The following PCDHGB2 variants were observed in gnomAD, a reference collection of about 807,000 sequenced individuals.
PCDHGB2 encodes the protein protocadherin gamma subfamily B, 2, also known as protocadherin gamma-B2.
A neutral mutation model predicts 59.3 loss-of-function variants in PCDHGB2; 55 were observed. That is an observed-to-expected ratio of 0.93 (90% CI 0.75 to 1.16). PCDHGB2 has a LOEUF of 1.16. Ranked by LOEUF, PCDHGB2 falls within the 50% of genes most tolerant of loss-of-function variation. The probability of loss-of-function intolerance (pLI) is 0.00; values close to 1 mark genes in which losing one functional copy is unlikely to be tolerated. For synonymous variants in PCDHGB2, 516 were observed against 512.0 expected, an observed-to-expected ratio of 1.01 and a Z score of -0.11; for missense variants, 1,228 against 1,198.5, an observed-to-expected ratio of 1.02 and a Z score of -0.36.
chr5:141,418,498 C>T (rs181453589), intron 1 of PCDHGB2: 10 of 1,613,968 alleles, frequency 6.2e-6, no homozygotes, highest in East Asian at 2.2e-5. Context: ...TGGTACTGAC[C>T]GCCTTAGATG....
Position 141,431,354 on chromosome 5 carries a change from G to GCC in PCDHGB2, c.2422-63451_2422-63450dup. The GCC allele has an allele frequency of 6.2e-7, 1 of 1,614,036 alleles. No individual in the cohort carries two copies. Among genetic ancestry groups the GCC allele is most frequent in the African/African-American group, 1.3e-5 (1 of 75,052 alleles). On this transcript the variant is annotated intron_variant, in intron 1 of 3. Transcript: ENST00000522605. This position sits in a 1 kb window ranked among gnomAD's most constrained non-coding sequence, Gnocchi z 4.8. Reference sequence around the variant, plus strand: ...GTACCCCGAATTGGTGCTGAAACGCGCCCTGGACCGCGAAGAAAAGGCTGC... The same window carrying GCC: ...GTACCCCGAATTGGTGCTGAAACGCGCCCCCTGGACCGCGAAGAAAAGGCTGC...
chr5:141,392,305 GT>G (rs148037308), intron 1 of PCDHGB2: 5,240 of 152,054 alleles, frequency 0.034, 107 homozygotes, highest in Middle Eastern at 0.088. Flanking sequence ...AAAGTATCAT[GT>G]TTTTTTTAAG....
chr5:141,403,100 A>G (rs1295654527), intron 1 of PCDHGB2: 5 of 1,613,992 alleles, frequency 3.1e-6, no homozygotes, highest in Non-Finnish European at 4.2e-6. Flanking sequence ...CAACATCTCC[A>G]AGGACCTGGC....
At chr5:141,422,198 A>G (rs2096632774) in intron 1 of PCDHGB2, 1 of 1,562,340 alleles carries the variant, frequency 6.4e-7, no homozygotes, top group Non-Finnish European at 8.6e-7. Flanking sequence ...CAAGGCCAAG[A>G]TGGTGGAGGT....
chr5:141,374,977 T>C, intron 1 of PCDHGB2: 2 of 1,614,020 alleles, frequency 1.2e-6, no homozygotes, highest in Non-Finnish European at 1.7e-6. Flanking sequence ...ATGTTTTGAC[T>C]GGAGAAATTT....
chr5:141,410,009 T>G, intron 1 of PCDHGB2: 1 of 1,613,318 alleles, frequency 6.2e-7, no homozygotes, highest in Non-Finnish European at 8.5e-7. Context: ...ACACAACGCC[T>G]GGCTGTCCTA....
chr5:141,466,746 T>C (rs1035272591), intron 1 of PCDHGB2, among the ~76,000 whole-genome samples: 1 of 152,224 alleles, frequency 6.6e-6, no homozygotes, highest in African/African-American at 2.4e-5. Context: ...GTTACTCTGA[T>C]AGGGGCTCTT....
In PCDHGB2 at chr5:141,485,042, C is replaced by T; in HGVS notation, c.2422-9765C>T. ...CAGCAAAAACGGCGCGTAACCCTTGCGGCGCCGGCCGAACCGCGCCAGAGC... is the reference window on the plus strand; with the variant it reads ...CAGCAAAAACGGCGCGTAACCCTTGTGGCGCCGGCCGAACCGCGCCAGAGC... On this transcript the variant is annotated intron_variant, in intron 1 of 3. Coordinates refer to ENST00000522605, the MANE Select transcript of PCDHGB2 (RefSeq NM_018923.3). This position sits in a 1 kb window ranked among gnomAD's most constrained non-coding sequence, Gnocchi z 5.7. 1 of 724,054 alleles carries T rather than the reference C, an allele frequency of 1.4e-6. No individual in the cohort carries two copies. Among genetic ancestry groups the T allele is most frequent in the South Asian group, 1.8e-5 (1 of 56,650 alleles). 44.9% of individuals were successfully genotyped at this position (724,054 alleles called of 1,614,324 possible). A position where few individuals can be genotyped will look rare whatever the true frequency, so the allele number is the denominator to read the frequency against.
chr5:141,366,134 G>A, intron 1 of PCDHGB2: 1 of 1,614,204 alleles, frequency 6.2e-7, no homozygotes, highest in Non-Finnish European at 8.5e-7. Flanking sequence ...AGGCCAGAAC[G>A]CCTGGCTGTC....
In PCDHGB2 at chr5:141,485,429, A is replaced by T. The variant is rs1388904857; in HGVS notation, c.2422-9378A>T. On this transcript the variant is annotated intron_variant, in intron 1 of 3. Transcript: ENST00000522605. This position sits in a 1 kb window ranked among gnomAD's most constrained non-coding sequence, Gnocchi z 5.7. Reference sequence around the variant, plus strand: ...GGATTTGGACAGCGGAGCCCTGCTCATCAAGAACCCAATCGACCGAGAGGC... The same window carrying T: ...GGATTTGGACAGCGGAGCCCTGCTCTTCAAGAACCCAATCGACCGAGAGGC... The T allele has an allele frequency of 6.2e-7, 1 of 1,614,090 alleles. No homozygotes were observed. Among genetic ancestry groups the T allele is most frequent in the Non-Finnish European group, 8.5e-7 (1 of 1,180,052 alleles).
chr5:141,426,465 T>C, intron 1 of PCDHGB2: 1 of 315,366 alleles, frequency 3.2e-6, no homozygotes, highest in African/African-American at 2.2e-5. Context: ...ATGTTCAGGA[T>C]TTATTGACCT....
Position 141,493,022 on chromosome 5 carries a change from G to C in PCDHGB2, c.2422-1785G>C, listed in dbSNP as rs1184742888. On this transcript the variant is annotated intron_variant, in intron 1 of 3. Transcript: ENST00000522605. This position sits in a 1 kb window ranked among gnomAD's most constrained non-coding sequence, Gnocchi z 4.3. Reference sequence around the variant, plus strand: ...GCTATAGGCTCTGCCAGATGCCAGGGTGCCCTTATGTGTGAGGAAACTACA... The same window carrying C: ...GCTATAGGCTCTGCCAGATGCCAGGCTGCCCTTATGTGTGAGGAAACTACA... Among the ~76,000 whole-genome samples the C allele has an allele frequency of 6.6e-6, 1 of 152,222 alleles. No individual in the cohort carries two copies. Among genetic ancestry groups the C allele is most frequent in the Non-Finnish European group, 1.5e-5 (1 of 68,040 alleles).
Position 141,491,466 on chromosome 5 carries a change from T to G in PCDHGB2, c.2422-3341T>G. The G allele has an allele frequency of 6.2e-7, 1 of 1,614,068 alleles. No individual in the cohort carries two copies. Among genetic ancestry groups the G allele is most frequent in the Non-Finnish European group, 8.5e-7 (1 of 1,179,986 alleles). ...AGGACTCACCCTCCCCGGACTTCTA[T>G]AAGCAGTCCAGCCCCAACCTGCAGG... On this transcript the variant is annotated intron_variant, in intron 1 of 3. Coordinates refer to ENST00000522605, the MANE Select transcript of PCDHGB2 (RefSeq NM_018923.3). This position sits in a 1 kb window ranked among gnomAD's most constrained non-coding sequence, Gnocchi z 6.9.
chr5:141,383,658 G>A, intron 1 of PCDHGB2: 1 of 1,614,036 alleles, frequency 6.2e-7, no homozygotes, highest in Admixed American at 1.7e-5. Context: ...CTGTCCCCGA[G>A]AATGTGCCAG....
At chr5:141,418,685 G>A (rs750217981) in intron 1 of PCDHGB2, 1 of 1,614,056 alleles carries the variant, frequency 6.2e-7, no homozygotes, top group African/African-American at 1.3e-5. Context: ...CATCAACTCA[G>A]AGATCACTTA....
intron 2 of PCDHGB2, among the ~76,000 whole-genome samples, chr5:141,501,506 G>A (rs770097282): frequency 1.3e-5 from 2 of 151,864 alleles, no homozygotes; most frequent in Non-Finnish European, 2.9e-5. Context: ...GGGGCTCCAA[G>A]GCCTCCAAGC....
Position 141,487,059 on chromosome 5 carries a change from G to A in PCDHGB2, c.2422-7748G>A, listed in dbSNP as rs760836605. 1.7e-5 allele frequency: 27 copies of A among 1,613,952 alleles called. No homozygotes were observed. Among genetic ancestry groups the A allele is most frequent in the Non-Finnish European group, 2.0e-5 (24 of 1,179,994 alleles). On this transcript the variant is annotated intron_variant, in intron 1 of 3. Transcript: ENST00000522605. This position sits in a 1 kb window ranked among gnomAD's most constrained non-coding sequence, Gnocchi z 5.0. ...GTCTCTCGATATGCTGGGGAGGTGC[G>A]GACGGCTGTTCCTATCCCAGCTGAC...
intron 1 of PCDHGB2, chr5:141,391,690 A>AC (rs1231042361): frequency 6.6e-6 from 1 of 152,236 alleles, no homozygotes; most frequent in African/African-American, 2.4e-5. Flanking sequence ...TTCATCTGCT[A>AC]CGTTGCCCAG....
chr5:141,383,377 C>G (rs527434740), intron 1 of PCDHGB2: 1 of 1,614,010 alleles, frequency 6.2e-7, no homozygotes, highest in African/African-American at 1.3e-5. Context: ...GGCTGGGGAT[C>G]CAGATGTGGG....
Sources: allele counts gnomAD v4.1 joint callset (sites outside exome capture counted in the v4.1 genomes callset), GRCh38; gene constraint gnomAD v4.1.1; non-coding constraint Gnocchi (gnomAD v3.1); transcripts MANE v1.5; gene names NCBI Gene and HGNC (gene_info 2026-07-23, HGNC 2026-07-21).